Variants in SPATA17 observed in about 807,000 individuals in gnomAD.
The protein encoded by SPATA17 is spermatogenesis-associated protein 17.
SPATA17 carries 53 observed loss-of-function variants against 62.2 expected under a neutral mutation model. The observed-to-expected ratio is 0.85, with a 90% CI of 0.68 to 1.07. The LOEUF (loss-of-function observed/expected upper bound fraction) is 1.07. Among genes scored for constraint, SPATA17 ranks in the 50% least tolerant of loss-of-function variants. The probability of loss-of-function intolerance (pLI) is 0.00; values close to 1 mark genes in which losing one functional copy is unlikely to be tolerated. For synonymous variants in SPATA17, 146 were observed against 146.8 expected (o/e 0.99, Z 0.04); for missense variants, 466 against 425.5 (o/e 1.10, Z -0.84).
chr1:217,743,353 T>A (rs1571773539), intron 6 of SPATA17, among the ~76,000 whole-genome samples: 1 of 152,154 alleles, frequency 6.6e-6, no homozygotes, highest in African/African-American at 2.4e-5. Flanking sequence ...GAATTTCAAA[T>A]CAAAAATTCC....
At chr1:217,836,311 C>T (rs1333919158) in intron 9 of SPATA17, among the ~76,000 whole-genome samples, 2 of 152,056 alleles carry the variant, frequency 1.3e-5, no homozygotes, top group African/African-American at 4.8e-5. Context: ...ATTTTTCTTC[C>T]ATCTGAAGTT....
intron 9 of SPATA17, among the ~76,000 whole-genome samples, chr1:217,811,217 A>C (rs1674577741): frequency 6.6e-6 from 1 of 151,988 alleles, no homozygotes; most frequent in South Asian, 2.1e-4. Flanking sequence ...TATTTTTTGT[A>C]GAGATGGGGT....
intron 4 of SPATA17, among the ~76,000 whole-genome samples, chr1:217,677,392 C>A (rs576728274): frequency 1.3e-5 from 2 of 151,908 alleles, no homozygotes; most frequent in Middle Eastern, 3.4e-3. Context: ...ACTTACCATA[C>A]TATTTTCATA....
intron 9 of SPATA17, among the ~76,000 whole-genome samples, chr1:217,805,193 T>A (rs1198341924): frequency 6.6e-6 from 1 of 152,212 alleles, no homozygotes; most frequent in Non-Finnish European, 1.5e-5. Flanking sequence ...GGAATACTAT[T>A]CAGCTTTTAA....
intron 5 of SPATA17, among the ~76,000 whole-genome samples, chr1:217,731,506 G>A (rs949774247): frequency 2.0e-4 from 31 of 152,076 alleles, no homozygotes; most frequent in Non-Finnish European, 3.2e-4. Flanking sequence ...CTCTTTATTG[G>A]TGGCCAAGCC....
In SPATA17 at chr1:217,651,130, A is replaced by G; in HGVS notation, c.192A>G (p.Lys64=). Residue 64 remains lysine (K), a synonymous_variant, in exon 3 of 11, where the codon AAA becomes AAG. Coordinates refer to ENST00000366933, the MANE Select transcript of SPATA17 (RefSeq NM_138796.4). ...ACAGGATTGTAACAATTATTCAAAA[A>G]TGGTGGAGAAGTTTCTTAGGCAGAA... ...HLNRIVTIIQ[K]WWRSFLGRKQ... 1 of 1,609,996 alleles carries G rather than the reference A, an allele frequency of 6.2e-7. No homozygotes were observed. Among genetic ancestry groups the G allele is most frequent in the Non-Finnish European group, 8.5e-7 (1 of 1,178,908 alleles).
chr1:217,699,969 G>A (rs1325561825), intron 5 of SPATA17, among the ~76,000 whole-genome samples: 2 of 152,148 alleles, frequency 1.3e-5, no homozygotes, highest in East Asian at 3.9e-4. Context: ...AACAAGGTAG[G>A]TATCATTATG....
intron 8 of SPATA17, 60 bp from the exon 9 acceptor site, chr1:217,801,658 T>A (rs1674315597): frequency 1.4e-6 from 2 of 1,441,458 alleles, no homozygotes; most frequent in South Asian, 1.3e-5. Flanking sequence ...AAAGCCTTAT[T>A]TTAAAAATCA....
At chr1:217,849,402 G>T (rs1248473907) in intron 9 of SPATA17, among the ~76,000 whole-genome samples, 1 of 151,990 alleles carries the variant, frequency 6.6e-6, no homozygotes, top group Non-Finnish European at 1.5e-5. Flanking sequence ...TTGGAAATTT[G>T]CTGTTGTGTT....
chr1:217,644,512 A>G (rs1670137404), intron 1 of SPATA17, among the ~76,000 whole-genome samples: 1 of 152,168 alleles, frequency 6.6e-6, no homozygotes, highest in South Asian at 2.1e-4. Context: ...AAAAAGAAAG[A>G]GTATTGAGTT....
At chr1:217,743,550 A>G (rs1044756773) in intron 6 of SPATA17, among the ~76,000 whole-genome samples, 4 of 152,098 alleles carry the variant, frequency 2.6e-5, no homozygotes, top group Non-Finnish European at 5.9e-5. Flanking sequence ...TGTGCTATGT[A>G]TACTTATGAT....
At chr1:217,802,158 A>AG (rs968250448) in intron 9 of SPATA17, among the ~76,000 whole-genome samples, 3 of 151,918 alleles carry the variant, frequency 2.0e-5, no homozygotes, top group African/African-American at 7.3e-5. Context: ...AGTTAAGCTA[A>AG]CTCTCAGGCA....
At chr1:217,793,226 T>TG (rs1030350768) in intron 8 of SPATA17, among the ~76,000 whole-genome samples, 1 of 145,466 alleles carries the variant, frequency 6.9e-6, no homozygotes, top group East Asian at 2.0e-4. Flanking sequence ...TTTTTGTTTT[T>TG]TTTTTTTTTT....
At chr1:217,723,298 A>T (rs1349456381) in intron 5 of SPATA17, among the ~76,000 whole-genome samples, 2 of 152,160 alleles carry the variant, frequency 1.3e-5, no homozygotes, top group African/African-American at 4.8e-5. Context: ...TACCATGAAT[A>T]CATGTGTTGG....
chr1:217,705,077 C>T (rs1338352682), intron 5 of SPATA17, among the ~76,000 whole-genome samples: 1 of 152,040 alleles, frequency 6.6e-6, no homozygotes, highest in Non-Finnish European at 1.5e-5. Context: ...TATTTTTTGA[C>T]TTTTTTAAAA....
intron 5 of SPATA17, among the ~76,000 whole-genome samples, chr1:217,711,957 T>C (rs912903609): frequency 1.3e-5 from 2 of 152,156 alleles, no homozygotes; most frequent in South Asian, 4.1e-4. Flanking sequence ...AGATATGTTC[T>C]TGGAAGTAAC....
At chr1:217,638,697 A>G (rs952224931) in intron 1 of SPATA17, among the ~76,000 whole-genome samples, 1 of 152,200 alleles carries the variant, frequency 6.6e-6, no homozygotes, top group Non-Finnish European at 1.5e-5. Flanking sequence ...ACAGATGGCT[A>G]CTATGGAGTT....
chr1:217,810,516 G>T (rs1674561222), intron 9 of SPATA17, among the ~76,000 whole-genome samples: 1 of 152,006 alleles, frequency 6.6e-6, no homozygotes, highest in African/African-American at 2.4e-5. Flanking sequence ...CAGCTACTTG[G>T]GGGGCTGAGG....
chr1:217,708,679 A>G (rs1369368697), intron 5 of SPATA17, among the ~76,000 whole-genome samples: 3 of 152,034 alleles, frequency 2.0e-5, no homozygotes, highest in Non-Finnish European at 2.9e-5. Context: ...ATCTCATTCT[A>G]TGAAGGCAGC....
Sources: gnomAD v4.1 joint callset for allele counts (sites outside exome capture counted in the v4.1 genomes callset) on GRCh38, gnomAD v4.1.1 for gene constraint, MANE v1.5 for transcripts, NCBI Gene and HGNC (gene_info 2026-07-23, HGNC 2026-07-21) for gene names.